The following SLC10A1 variants were observed in gnomAD, a reference collection of about 807,000 sequenced individuals.
SLC10A1 encodes solute carrier family 10 member 1, also known as hepatic sodium/bile acid cotransporter.
Under a neutral mutation model 20.5 loss-of-function variants are expected in SLC10A1, and 36 were observed. The ratio of observed to expected loss-of-function variants is 1.75; its 90% CI spans 1.34 to 2.32. The LOEUF is 2.32. Ranked by LOEUF, SLC10A1 falls within the 30% of genes most tolerant of loss-of-function variation. SLC10A1 has a pLI of 0.00. For missense variants in SLC10A1, 545 were observed against 439.1 expected, an observed-to-expected ratio of 1.24 and a Z score of -2.16; for synonymous variants, 188 against 163.6, an observed-to-expected ratio of 1.15 and a Z score of -1.14.
At chr14:69,794,485 G>C (rs928108567) in intron 1 of SLC10A1, among the ~76,000 whole-genome samples, 4 of 152,166 alleles carry the variant, frequency 2.6e-5, no homozygotes, top group African/African-American at 9.7e-5. Flanking sequence ...AATGCTACTT[G>C]TTACATGCTG....
intron 2 of SLC10A1, among the ~76,000 whole-genome samples, chr14:69,780,786 T>A (rs1883573993): frequency 6.6e-6 from 1 of 152,212 alleles, no homozygotes; most frequent in Non-Finnish European, 1.5e-5. Flanking sequence ...CTAATGAACT[T>A]CTCAGTTTAC....
At chr14:69,793,984 T>C (rs1882336955) in intron 1 of SLC10A1, among the ~76,000 whole-genome samples, 1 of 152,212 alleles carries the variant, frequency 6.6e-6, no homozygotes, top group African/African-American at 2.4e-5. Context: ...GATGGCAGGC[T>C]GTCCCCAGAC....
intron 1 of SLC10A1, among the ~76,000 whole-genome samples, chr14:69,788,105 C>T (rs1883764908): frequency 6.6e-6 from 1 of 151,754 alleles, no homozygotes; most frequent in Non-Finnish European, 1.5e-5. Flanking sequence ...TAGAGGGGTT[C>T]TGGAGGGGAG....
At chr14:69,776,555 T>G (rs1883453013) in intron 4 of SLC10A1, among the ~76,000 whole-genome samples, 167 bp from the exon 5 acceptor site, 1 of 152,226 alleles carries the variant, frequency 6.6e-6, no homozygotes, top group South Asian at 2.1e-4. Context: ...TAAACTCACT[T>G]TCCCCTCAGT....
intron 2 of SLC10A1, among the ~76,000 whole-genome samples, chr14:69,782,374 G>A (rs1883612594): frequency 6.6e-6 from 1 of 152,196 alleles, no homozygotes; most frequent in Non-Finnish European, 1.5e-5. Flanking sequence ...AGTAGTGAAT[G>A]TGCAACACAA....
chr14:69,779,210 GAACAT>G lies in SLC10A1; in HGVS notation c.713_717del (p.Tyr238SerfsTer38). The G allele has an allele frequency of 6.8e-6, 11 of 1,612,756 alleles. No individual in the cohort carries two copies. The highest frequency in any genetic ancestry group is 3.3e-4 in the Middle Eastern group (2 of 6,062). Reference sequence around the variant, plus strand: ...CCATTGAGGCAGAAGAGAGCAGAGAGAACATAACCCAGCAGAAAGCCAATAAAAGG... The same window carrying G: ...CCATTGAGGCAGAAGAGAGCAGAGAGAACCCAGCAGAAAGCCAATAAAAGG... On this transcript the variant is annotated frameshift_variant, in exon 3 of 5. Coordinates refer to ENST00000216540, the MANE Select transcript of SLC10A1 (RefSeq NM_003049.4). LOFTEE classifies it high-confidence loss of function.
chr14:69,780,402 T>TA (rs1477638540), intron 2 of SLC10A1, among the ~76,000 whole-genome samples: 1 of 152,186 alleles, frequency 6.6e-6, no homozygotes, highest in African/African-American at 2.4e-5. Context: ...TTCTCAAACT[T>TA]ACCATGTTAT....
intron 4 of SLC10A1, among the ~76,000 whole-genome samples, chr14:69,777,981 A>G (rs1483775107): frequency 1.3e-5 from 2 of 151,886 alleles, no homozygotes; most frequent in South Asian, 2.1e-4. Flanking sequence ...AACTTCCCCA[A>G]CTCTTGCGAA....
intron 2 of SLC10A1, among the ~76,000 whole-genome samples, chr14:69,785,431 C>T (rs1038078494): frequency 1.3e-5 from 2 of 152,164 alleles, no homozygotes; most frequent in Admixed American, 1.3e-4. Flanking sequence ...TCAGGCTTCT[C>T]CCCAGGTTTA....
chr14:69,783,023 CTTTATAT>C (rs1287116337), intron 2 of SLC10A1, among the ~76,000 whole-genome samples: 1 of 152,058 alleles, frequency 6.6e-6, no homozygotes, highest in African/African-American at 2.4e-5. Context: ...TTTTAATATT[CTTTATAT>C]TTTATATGCA....
intron 2 of SLC10A1, 61 bp from the exon 3 acceptor site, chr14:69,779,421 G>T: frequency 7.4e-7 from 1 of 1,355,740 alleles, no homozygotes; most frequent in Non-Finnish European, 1.0e-6. Context: ...AACAGAGGTG[G>T]GGAAGCACAG....
In SLC10A1 at chr14:69,779,180, A is replaced by T. The variant is rs200927878; in HGVS notation, c.746+2T>A. The T allele has an allele frequency of 6.3e-7, 1 of 1,577,916 alleles. No homozygotes were observed. Among genetic ancestry groups the T allele is most frequent in the Non-Finnish European group, 8.6e-7 (1 of 1,165,866 alleles). On this transcript the variant is annotated splice_donor_variant, in intron 3 of 4. Coordinates refer to ENST00000216540, the MANE Select transcript of SLC10A1 (RefSeq NM_003049.4). LOFTEE classifies it high-confidence loss of function. ...TTTCTTAAAAAAAAAAAAAATACCT[A>T]CCGTCCATTGAGGCAGAAGAGAGCA...
intron 1 of SLC10A1, among the ~76,000 whole-genome samples, chr14:69,796,239 C>A (rs372358874): frequency 6.6e-6 from 1 of 152,124 alleles, no homozygotes; most frequent in East Asian, 1.9e-4. Flanking sequence ...CCTGGTTGTG[C>A]CTTTGCATGG....
At chr14:69,781,837 T>C (rs1343391128) in intron 2 of SLC10A1, among the ~76,000 whole-genome samples, 1 of 152,226 alleles carries the variant, frequency 6.6e-6, no homozygotes, top group Non-Finnish European at 1.5e-5. Flanking sequence ...TGTATCTTGG[T>C]ATATCTAAAT....
intron 2 of SLC10A1, among the ~76,000 whole-genome samples, chr14:69,779,600 A>G (rs1048200105): frequency 6.6e-6 from 1 of 152,174 alleles, no homozygotes; most frequent in Admixed American, 6.5e-5. Context: ...CTGGACTCTT[A>G]GCGGTCCTCC....
intron 2 of SLC10A1, among the ~76,000 whole-genome samples, chr14:69,785,534 G>T (rs564418811): frequency 1.5e-4 from 23 of 151,294 alleles, no homozygotes; most frequent in African/African-American, 5.1e-4. Context: ...AAATACTTGC[G>T]TGTACACTGG....
intron 4 of SLC10A1, 100 bp downstream of exon 4, chr14:69,778,233 A>T: frequency 3.1e-6 from 3 of 982,834 alleles, no homozygotes; most frequent in Non-Finnish European, 4.6e-6. Context: ...GATAAGAGTT[A>T]AAGCCCTATC....
intron 2 of SLC10A1, among the ~76,000 whole-genome samples, chr14:69,781,438 C>T (rs368138076): frequency 6.6e-6 from 1 of 152,286 alleles, no homozygotes; most frequent in African/African-American, 2.4e-5. Flanking sequence ...AAAGGTGGCC[C>T]GCACAGGCTG....
intron 2 of SLC10A1, among the ~76,000 whole-genome samples, chr14:69,784,972 T>G (rs570825814): frequency 1.3e-4 from 20 of 152,288 alleles, no homozygotes; most frequent in African/African-American, 3.8e-4. Context: ...CCCTGAAAAC[T>G]GGACTCTTGA....
Sources: allele counts gnomAD v4.1 joint callset (sites outside exome capture counted in the v4.1 genomes callset), GRCh38; gene constraint gnomAD v4.1.1; transcripts MANE v1.5; gene names NCBI Gene and HGNC (gene_info 2026-07-23, HGNC 2026-07-21).